The following SLC26A5 variants were observed in gnomAD, a reference collection of about 807,000 sequenced individuals.
The protein encoded by SLC26A5 is prestin.
A neutral mutation model predicts 81.0 loss-of-function variants in SLC26A5; 51 were observed. The ratio of observed to expected loss-of-function variants is 0.63; its 90% CI spans 0.50 to 0.80. The LOEUF is 0.80. Among genes scored for constraint, SLC26A5 ranks in the 30% least tolerant of loss-of-function variants. SLC26A5 has a pLI of 0.00. For synonymous variants in SLC26A5, 325 were observed against 332.8 expected, an observed-to-expected ratio of 0.98 and a Z score of 0.25; for missense variants, 771 against 905.8, an observed-to-expected ratio of 0.85 and a Z score of 1.91.
intron 19 of SLC26A5, chr7:103,362,646 T>C: frequency 6.5e-7 from 1 of 1,546,600 alleles, no homozygotes; most frequent in Non-Finnish European, 8.9e-7. Flanking sequence ...CTTTGAAAGC[T>C]TAAAGAATGT....
At chr7:103,443,673 C>G (rs149623527) in intron 1 of SLC26A5, among the ~76,000 whole-genome samples, 1 of 152,348 alleles carries the variant, frequency 6.6e-6, no homozygotes, top group Non-Finnish European at 1.5e-5. Context: ...CAGTCTTTTA[C>G]AAAGAATACA....
chr7:103,397,839 T>A, intron 9 of SLC26A5, 93 bp downstream of exon 9: 1 of 958,558 alleles, frequency 1.0e-6, no homozygotes, highest in South Asian at 1.3e-5. Context: ...GAAAAAAGAT[T>A]ATTTTTCATT....
chr7:103,381,407 CACAA>C (rs1294822096), intron 14 of SLC26A5, among the ~76,000 whole-genome samples: 2 of 150,864 alleles, frequency 1.3e-5, no homozygotes, highest in African/African-American at 4.9e-5. Flanking sequence ...TACACACAAA[CACAA>C]ACAATACACA....
intron 1 of SLC26A5, among the ~76,000 whole-genome samples, chr7:103,444,471 A>G (rs1445609442): frequency 3.3e-5 from 5 of 150,378 alleles, no homozygotes; most frequent in South Asian, 2.1e-4. Context: ...TTGATCGTCA[A>G]TTAAATAGGC....
intron 19 of SLC26A5, chr7:103,362,775 G>C: frequency 6.6e-7 from 1 of 1,512,364 alleles, no homozygotes; most frequent in Non-Finnish European, 9.1e-7. Context: ...AACTATGGGA[G>C]GGAAAAGGAA....
At chr7:103,375,779 G>C (rs898544230) in intron 19 of SLC26A5, among the ~76,000 whole-genome samples, 1 of 150,370 alleles carries the variant, frequency 6.7e-6, no homozygotes, top group Non-Finnish European at 1.5e-5. Context: ...TTTTTGAGAC[G>C]GAGTCTTACT....
At chr7:103,386,556 C>G (rs1417223031) in intron 14 of SLC26A5, among the ~76,000 whole-genome samples, 3 of 151,830 alleles carry the variant, frequency 2.0e-5, no homozygotes, top group African/African-American at 7.3e-5. Flanking sequence ...GAGCAAGACT[C>G]TGTCTCAAAA....
intron 5 of SLC26A5, among the ~76,000 whole-genome samples, 181 bp downstream of exon 5, chr7:103,412,821 G>A (rs528202771): frequency 6.6e-6 from 1 of 152,220 alleles, no homozygotes; most frequent in African/African-American, 2.4e-5. Flanking sequence ...AGAGTGCTGG[G>A]ATTACAGGGA....
rs186596809 is a variant in SLC26A5, at chr7:103,367,172, C to G, written c.2041+9636G>C. 3.9e-4 allele frequency among the ~76,000 whole-genome samples: 59 copies of G among 152,296 alleles called. No individual in the cohort carries two copies. Among genetic ancestry groups the G allele is most frequent in the Non-Finnish European group, 6.8e-4 (46 of 68,028 alleles). Reference sequence around the variant, plus strand: ...TGTGGTAGACTTTGAAAACACTAAACTGCCCCATAGGCAGTTTAAAAAACG... The same window carrying G: ...TGTGGTAGACTTTGAAAACACTAAAGTGCCCCATAGGCAGTTTAAAAAACG... On this transcript the variant is annotated intron_variant, in intron 19 of 19. Transcript: ENST00000339444. This position sits in a 1 kb window ranked among gnomAD's most constrained non-coding sequence, Gnocchi z 6.1.
chr7:103,369,648 C>CA (rs374995911), downstream of SLC26A5, among the ~76,000 whole-genome samples: 5 of 152,054 alleles, frequency 3.3e-5, no homozygotes, highest in Admixed American at 6.6e-5. Context: ...TGTTTGTACT[C>CA]AAAGAGATGA....
intron 17 of SLC26A5, 22 bp downstream of exon 17, chr7:103,378,423 AT>A: frequency 6.2e-7 from 1 of 1,603,236 alleles, no homozygotes; most frequent in Non-Finnish European, 8.5e-7. Context: ...AGAACGGATT[AT>A]TTCAATGAAA....
chr7:103,400,739 T>G (rs7797150), intron 8 of SLC26A5, among the ~76,000 whole-genome samples: 4,849 of 152,276 alleles, frequency 0.032, 103 homozygotes, highest in South Asian at 0.085. Context: ...TGAGTTAATT[T>G]TTGTATAAGG....
chr7:103,445,019 A>C (rs957254104), intron 1 of SLC26A5, among the ~76,000 whole-genome samples: 1 of 152,242 alleles, frequency 6.6e-6, no homozygotes, highest in African/African-American at 2.4e-5. Flanking sequence ...TAAACTTTAG[A>C]TAATACATTT....
chr7:103,422,598 G>A (rs1825431971), intron 2 of SLC26A5, among the ~76,000 whole-genome samples: 1 of 152,132 alleles, frequency 6.6e-6, no homozygotes, highest in Non-Finnish European at 1.5e-5. Flanking sequence ...ATGAGACTAA[G>A]AAGGGATAGT....
At chr7:103,358,966 G>A (rs1221649053) in intron 19 of SLC26A5, among the ~76,000 whole-genome samples, 1 of 150,752 alleles carries the variant, frequency 6.6e-6, no homozygotes, top group Admixed American at 6.6e-5. Flanking sequence ...ATTTGTGTAT[G>A]TGTAATTTTT....
chr7:103,421,169 T>C (rs567927462), intron 3 of SLC26A5, among the ~76,000 whole-genome samples, 194 bp downstream of exon 3: 1 of 152,320 alleles, frequency 6.6e-6, no homozygotes, highest in South Asian at 2.1e-4. Context: ...TCAATAAATA[T>C]GGTGAAATTC....
rs1820434697 is a variant in SLC26A5, at chr7:103,361,869, A to G, written c.2042-8943T>C. The G allele has an allele frequency of 3.8e-6, 5 of 1,312,856 alleles. No individual in the cohort carries two copies. In the Admixed American group the frequency reaches 1.2e-4, roughly 32 times the overall value. 81.3% of individuals were successfully genotyped at this position (1,312,856 alleles called of 1,614,324 possible). A position where few individuals can be genotyped will look rare whatever the true frequency, so the allele number is the denominator to read the frequency against. ...CTGTAGTTCTAGTTTATACCTGTATATTGCACACTCAGGATATAATCTAGT... is the reference window on the plus strand; with the variant it reads ...CTGTAGTTCTAGTTTATACCTGTATGTTGCACACTCAGGATATAATCTAGT... On this transcript the variant is annotated intron_variant, in intron 19 of 19. Coordinates refer to the SLC26A5 transcript ENST00000339444.
At chr7:103,415,313 C>T (rs949841555) in intron 4 of SLC26A5, among the ~76,000 whole-genome samples, 2 of 152,218 alleles carry the variant, frequency 1.3e-5, no homozygotes, top group Non-Finnish European at 2.9e-5. Context: ...TCTGCTCACC[C>T]CTCTTCCTCC....
chr7:103,424,323 T>C (rs1825569601), intron 2 of SLC26A5, among the ~76,000 whole-genome samples: 1 of 152,206 alleles, frequency 6.6e-6, no homozygotes. Context: ...TCTATTCTAA[T>C]AGAATCATTG....
Sources: allele counts gnomAD v4.1 joint callset (sites outside exome capture counted in the v4.1 genomes callset), GRCh38; gene constraint gnomAD v4.1.1; non-coding constraint Gnocchi (gnomAD v3.1); transcripts MANE v1.5; gene names NCBI Gene and HGNC (gene_info 2026-07-23, HGNC 2026-07-21).